DLGAP2: variants seen among roughly 807,000 people sequenced by gnomAD.
DLGAP2 encodes the protein DLG associated protein 2, also known as disks large-associated protein 2.
A neutral mutation model predicts 100.3 loss-of-function variants in DLGAP2; 26 were observed. The observed-to-expected ratio is 0.26, with a 90% confidence interval of 0.19 to 0.36. The LOEUF (loss-of-function observed/expected upper bound fraction) is 0.36. Ranked by LOEUF, DLGAP2 falls within the 10% of genes least tolerant of loss-of-function variation. The pLI is 1.00. For synonymous variants in DLGAP2, 886 were observed against 630.1 expected, an observed-to-expected ratio of 1.41 and a Z score of -6.08; for missense variants, 1,858 against 1,453.2, an observed-to-expected ratio of 1.28 and a Z score of -4.53.
In DLGAP2 at chr8:1,705,703, C is replaced by G. The variant is rs1799688435; in HGVS notation, c.*4297C>G. The G allele has an allele frequency of 6.6e-6, 1 of 152,194 alleles. No homozygotes were observed. Among genetic ancestry groups the G allele is most frequent in the East Asian group, 1.9e-4 (1 of 5,192 alleles). 9.4% of individuals were successfully genotyped at this position (152,194 alleles called of 1,614,324 possible). A position where few individuals can be genotyped will look rare whatever the true frequency, so the allele number is the denominator to read the frequency against. On this transcript the variant is annotated 3_prime_UTR_variant, in exon 15 of 15. Transcript: ENST00000637795. ...GCTCATTTCCCAGCCCTCTTCTTCT[C>G]AAGCCTGAACTTCATTTTTTTTTTT...
At chr8:1,110,841 C>G (rs547868498) in intron 2 of DLGAP2, among the ~76,000 whole-genome samples, 1 of 152,124 alleles carries the variant, frequency 6.6e-6, no homozygotes, top group South Asian at 2.1e-4. Context: ...CCCCGGGACC[C>G]CACACACCCT....
At chr8:1,029,276 A>T (rs993303093) in intron 2 of DLGAP2, among the ~76,000 whole-genome samples, 1 of 152,158 alleles carries the variant, frequency 6.6e-6, no homozygotes, top group Non-Finnish European at 1.5e-5. Flanking sequence ...ATTCTGGCTG[A>T]GGCTGTCTTG....
chr8:1,336,859 G>C (rs578074333), intron 3 of DLGAP2, among the ~76,000 whole-genome samples: 3 of 152,260 alleles, frequency 2.0e-5, no homozygotes, highest in African/African-American at 7.2e-5. Flanking sequence ...GGAATTTAAG[G>C]AGTAGTTAAA....
intron 2 of DLGAP2, among the ~76,000 whole-genome samples, chr8:934,294 C>T (rs1489675861): frequency 2.0e-5 from 1 of 50,026 alleles, no homozygotes; most frequent in Non-Finnish European, 3.8e-5. Context: ...GACACCTGGC[C>T]GTGGGCACGA....
intron 1 of DLGAP2, among the ~76,000 whole-genome samples, chr8:760,266 C>T (rs1026352591): frequency 1.3e-5 from 2 of 152,112 alleles, no homozygotes; most frequent in African/African-American, 2.4e-5. Flanking sequence ...GCCTGATCTG[C>T]GGGGGTTTCT....
At chr8:907,623 C>T (rs763278772) in intron 1 of DLGAP2, among the ~76,000 whole-genome samples, 104 of 152,272 alleles carry the variant, frequency 6.8e-4, no homozygotes, top group Non-Finnish European at 4.4e-4. Context: ...CCCTGGAGTA[C>T]AGCTTTCAAG....
chr8:1,449,345 G>C (rs998678937), intron 3 of DLGAP2, among the ~76,000 whole-genome samples: 1 of 152,232 alleles, frequency 6.6e-6, no homozygotes, highest in African/African-American at 2.4e-5. Context: ...GGGCAGGCAT[G>C]CTTAGTCCAG....
chr8:758,355 T>A (rs1015555737), intron 1 of DLGAP2, among the ~76,000 whole-genome samples: 1 of 152,228 alleles, frequency 6.6e-6, no homozygotes, highest in Non-Finnish European at 1.5e-5. Flanking sequence ...TTCCCTGTTA[T>A]TGCTTATCAG....
intron 2 of DLGAP2, among the ~76,000 whole-genome samples, chr8:1,116,284 C>T (rs1018960465): frequency 6.6e-6 from 1 of 152,184 alleles, no homozygotes; most frequent in Non-Finnish European, 1.5e-5. Context: ...CTAAGGGTTA[C>T]CGACCACCCT....
chr8:1,606,800 A>G (rs1796815019), intron 6 of DLGAP2, among the ~76,000 whole-genome samples: 1 of 152,132 alleles, frequency 6.6e-6, no homozygotes, highest in African/African-American at 2.4e-5. Flanking sequence ...CTCCCTCCTC[A>G]GTGACCCCAA....
chr8:1,238,534 GGTTCTCTCACATGGTGCCGTGTCTA>G (rs1306333852), intron 2 of DLGAP2, among the ~76,000 whole-genome samples: 9 of 69,496 alleles, frequency 1.3e-4, no homozygotes, highest in African/African-American at 5.0e-4. Context: ...CGCCGTGTCT[GGTTCTCTCACATGGTGCCGTGTCTA>G]GTTCTCTCCC....
chr8:1,678,684 A>G (rs1798871475), intron 12 of DLGAP2, 55 bp downstream of exon 12: 3 of 1,431,840 alleles, frequency 2.1e-6, no homozygotes, highest in Non-Finnish European at 2.7e-6. Context: ...AGTAATGCAA[A>G]TATGCACATC....
chr8:1,646,440 G>A (rs1029220970), intron 8 of DLGAP2, among the ~76,000 whole-genome samples: 18 of 151,770 alleles, frequency 1.2e-4, no homozygotes, highest in African/African-American at 3.1e-4. Context: ...TATCTCTATC[G>A]TCTGTCCATC....
chr8:809,082 T>C (rs941794071), intron 1 of DLGAP2, among the ~76,000 whole-genome samples: 1 of 152,070 alleles, frequency 6.6e-6, no homozygotes, highest in Non-Finnish European at 1.5e-5. Flanking sequence ...AATTTTTTTA[T>C]TTTTAGTAGA....
chr8:1,658,158 C>T (rs918386984), intron 8 of DLGAP2, among the ~76,000 whole-genome samples: 1 of 152,072 alleles, frequency 6.6e-6, no homozygotes, highest in Non-Finnish European at 1.5e-5. Flanking sequence ...CAAATGAGGG[C>T]TCCACCCTCC....
chr8:1,360,247 C>G (rs79917745), intron 3 of DLGAP2, among the ~76,000 whole-genome samples: 19 of 44,706 alleles, frequency 4.2e-4, no homozygotes, highest in African/African-American at 1.6e-3. Flanking sequence ...GGGGCTTCTC[C>G]GGGGCGGGGC....
intron 2 of DLGAP2, among the ~76,000 whole-genome samples, chr8:964,272 G>C (rs1478061722): frequency 6.6e-6 from 1 of 152,188 alleles, no homozygotes; most frequent in African/African-American, 2.4e-5. Flanking sequence ...TTATAAACCA[G>C]TAATGAAAAA....
intron 4 of DLGAP2, among the ~76,000 whole-genome samples, chr8:1,545,367 C>T (rs1055409794): frequency 1.3e-5 from 2 of 152,110 alleles, no homozygotes; most frequent in African/African-American, 2.4e-5. Flanking sequence ...GTAGGCCGGC[C>T]GCCCCATAAG....
rs567693966 is a variant in DLGAP2 at position 1,217,978 on chromosome 8, G to T, written c.74-40873G>T. Reference sequence around the variant, plus strand: ...TTTTGCTTGTTGATTTAAGTTCTTTGTTGATGCTAGGTATTAGACCTTTGT... The same window carrying T: ...TTTTGCTTGTTGATTTAAGTTCTTTTTTGATGCTAGGTATTAGACCTTTGT... On this transcript the variant is annotated intron_variant, in intron 2 of 14. Coordinates refer to ENST00000637795, the MANE Select transcript of DLGAP2 (RefSeq NM_001346810.2). 3.3e-5 allele frequency among the ~76,000 whole-genome samples: 5 copies of T among 152,108 alleles called. No homozygotes were observed. In the East Asian group the frequency reaches 7.7e-4, roughly 24 times the overall value.
Sources: allele counts gnomAD v4.1 joint callset (sites outside exome capture counted in the v4.1 genomes callset), GRCh38; gene constraint gnomAD v4.1.1; transcripts MANE v1.5; gene names NCBI Gene and HGNC (gene_info 2026-07-23, HGNC 2026-07-21).